TSPAN5: variants seen among roughly 807,000 people sequenced by gnomAD.
TSPAN5 encodes tetraspanin-5.
A neutral mutation model predicts 37.1 loss-of-function variants in TSPAN5; 10 were observed. That is an observed-to-expected ratio of 0.27 (90% CI 0.17 to 0.46). The LOEUF (loss-of-function observed/expected upper bound fraction) is 0.46. TSPAN5 is among the 20% of genes least tolerant of loss of function. The probability of loss-of-function intolerance (pLI) is 1.00; values close to 1 mark genes in which losing one functional copy is unlikely to be tolerated. For missense variants in TSPAN5, 195 were observed against 326.6 expected, an observed-to-expected ratio of 0.60 and a Z score of 3.11; for synonymous variants, 110 against 118.9, an observed-to-expected ratio of 0.93 and a Z score of 0.48.
intron 1 of TSPAN5, among the ~76,000 whole-genome samples, chr4:98,590,473 G>A (rs1755597484): frequency 6.6e-6 from 1 of 152,146 alleles, no homozygotes; most frequent in Non-Finnish European, 1.5e-5. Context: ...CACTTTGGGA[G>A]GCCGAGGTGG....
intron 1 of TSPAN5, among the ~76,000 whole-genome samples, chr4:98,580,562 A>G (rs954790977): frequency 2.0e-5 from 3 of 152,234 alleles, no homozygotes; most frequent in Non-Finnish European, 2.9e-5. Flanking sequence ...AGTCAGCAAG[A>G]GAAGAGCAGA....
intron 1 of TSPAN5, among the ~76,000 whole-genome samples, chr4:98,559,138 G>C (rs933805010): frequency 9.1e-5 from 7 of 77,326 alleles, no homozygotes; most frequent in African/African-American, 3.3e-4. Context: ...AATTCAAACA[G>C]TATTACTAGA....
chr4:98,508,809 G>A (rs1753537012), intron 1 of TSPAN5, among the ~76,000 whole-genome samples: 1 of 152,048 alleles, frequency 6.6e-6, no homozygotes, highest in Admixed American at 6.6e-5. Context: ...ATAGGTGTGA[G>A]CCACCACTCC....
intron 1 of TSPAN5, among the ~76,000 whole-genome samples, chr4:98,525,470 G>A (rs985937766): frequency 3.9e-5 from 6 of 152,308 alleles, no homozygotes; most frequent in African/African-American, 1.2e-4. Context: ...CCTGTCTAGG[G>A]TGGGTCCCTG....
intron 1 of TSPAN5, chr4:98,560,078 T>C (rs1439454222): frequency 6.6e-6 from 1 of 152,218 alleles, no homozygotes; most frequent in Non-Finnish European, 1.5e-5. Context: ...ATTTTGTTTG[T>C]CTCCAAGTAG....
intron 1 of TSPAN5, among the ~76,000 whole-genome samples, chr4:98,647,551 C>T (rs1224778026): frequency 2.0e-5 from 3 of 151,986 alleles, no homozygotes; most frequent in African/African-American, 7.2e-5. Context: ...AAAAATTTTC[C>T]AACAAGTAAA....
intron 5 of TSPAN5, among the ~76,000 whole-genome samples, 156 bp downstream of exon 5, chr4:98,478,529 A>C (rs1752756897): frequency 6.6e-6 from 1 of 152,226 alleles, no homozygotes; most frequent in Non-Finnish European, 1.5e-5. Flanking sequence ...TATTACTCCT[A>C]CTAGGAAGAT....
At chr4:98,625,066 A>T (rs1756569044) in intron 1 of TSPAN5, among the ~76,000 whole-genome samples, 1 of 152,216 alleles carries the variant, frequency 6.6e-6, no homozygotes, top group Non-Finnish European at 1.5e-5. Context: ...ATAATAGGAA[A>T]GGGAGGAGGA....
At chr4:98,532,341 T>A (rs1754113724) in intron 1 of TSPAN5, among the ~76,000 whole-genome samples, 1 of 152,232 alleles carries the variant, frequency 6.6e-6, no homozygotes, top group African/African-American at 2.4e-5. Context: ...GTCTTTGCAT[T>A]TGTTTGTGTC....
intron 1 of TSPAN5, among the ~76,000 whole-genome samples, chr4:98,522,533 T>C (rs578106831): frequency 6.6e-6 from 1 of 152,226 alleles, no homozygotes; most frequent in Non-Finnish European, 1.5e-5. Context: ...CCTTAATAGT[T>C]GCACTGAACT....
At position 98,658,156 on chromosome 4, in the gene TSPAN5, A is replaced by T; in HGVS notation, c.71T>A (p.Val24Asp). Residue 24 changes from valine (V) to aspartate (D), a missense_variant, in exon 1 of 8, where the codon GTC becomes GAC. Coordinates refer to ENST00000305798, the MANE Select transcript of TSPAN5 (RefSeq NM_005723.4). ...AGCGCTCCAACTTACCCAAAATATG[A>T]CATTGAAGCCAAATATGAAGTATTT... ...CIKYFIFGFN[V>D]IFWFLGITFL... is the part of the protein sequence containing the mutation. 6.2e-7 allele frequency: 1 copy of T among 1,613,810 alleles called. No homozygotes were observed. Among genetic ancestry groups the T allele is most frequent in the Non-Finnish European group, 8.5e-7 (1 of 1,179,714 alleles).
At chr4:98,583,458 T>A (rs1372459577) in intron 1 of TSPAN5, among the ~76,000 whole-genome samples, 1 of 151,930 alleles carries the variant, frequency 6.6e-6, no homozygotes, top group East Asian at 1.9e-4. Flanking sequence ...TTCCCCTCTA[T>A]GTGTCCATGT....
At chr4:98,485,375 G>A (rs1039687401) in intron 3 of TSPAN5, 3 of 152,208 alleles carry the variant, frequency 2.0e-5, no homozygotes, top group Admixed American at 6.5e-5. Context: ...GTATGAGAGA[G>A]GGAGGGAGAG....
At chr4:98,531,480 T>G (rs569487285) in intron 1 of TSPAN5, among the ~76,000 whole-genome samples, 2 of 152,212 alleles carry the variant, frequency 1.3e-5, no homozygotes, top group African/African-American at 4.8e-5. Flanking sequence ...TGATGGACAT[T>G]TGGGTTGGTT....
intron 1 of TSPAN5, among the ~76,000 whole-genome samples, chr4:98,642,996 C>G (rs1756990018): frequency 6.6e-6 from 1 of 151,966 alleles, no homozygotes; most frequent in Non-Finnish European, 1.5e-5. Context: ...TTTAATGTAG[C>G]CTAAGTATAG....
intron 1 of TSPAN5, among the ~76,000 whole-genome samples, chr4:98,592,655 C>A (rs1246890348): frequency 7.4e-6 from 1 of 135,900 alleles, no homozygotes; most frequent in African/African-American, 2.8e-5. Flanking sequence ...TCTCATTGTT[C>A]AATTCCCACC....
chr4:98,551,492 C>CTTT (rs35415457), intron 1 of TSPAN5, among the ~76,000 whole-genome samples: 2,571 of 92,042 alleles, frequency 0.028, 154 homozygotes, highest in African/African-American at 0.099. Context: ...TTTTTCTTTT[C>CTTT]TTTTTTTTTT....
In TSPAN5 at chr4:98,478,496, A is replaced by G. The variant is rs565630926; in HGVS notation, c.576+189T>C. Among the ~76,000 whole-genome samples the G allele has an allele frequency of 7.9e-5, 12 of 152,354 alleles. 1 individual carries two copies. The South Asian group carries it at 2.3e-3, about 29-fold the overall frequency. On this transcript the variant is annotated intron_variant, in intron 5 of 7. Coordinates refer to ENST00000305798, the MANE Select transcript of TSPAN5 (RefSeq NM_005723.4). ...AGGCTTAGAATAGGAACCAGCACACACTGCTAAATTAATGCCAGCAATTAT... is the reference window on the plus strand; with the variant it reads ...AGGCTTAGAATAGGAACCAGCACACGCTGCTAAATTAATGCCAGCAATTAT...
rs577264336 is a variant in TSPAN5, at chr4:98,552,807, A to T, written c.82-45079T>A. Among the ~76,000 whole-genome samples the T allele has an allele frequency of 9.8e-5, 15 of 152,362 alleles. No individual in the cohort carries two copies. In the East Asian group the frequency reaches 2.5e-3, roughly 25 times the overall value. On this transcript the variant is annotated intron_variant, in intron 1 of 7. Transcript: ENST00000305798. ...CAGTCCAAGAGAAAGCAAAGGCAAG[A>T]AATGGACAGAGCCCTATGACATGGT...
Sources: gnomAD v4.1 joint callset for allele counts (sites outside exome capture counted in the v4.1 genomes callset) on GRCh38, gnomAD v4.1.1 for gene constraint, MANE v1.5 for transcripts, NCBI Gene and HGNC (gene_info 2026-07-23, HGNC 2026-07-21) for gene names.